EFNA4: variants seen among roughly 807,000 people sequenced by gnomAD.
EFNA4 encodes the protein ephrin-A4.
Under a neutral mutation model 23.7 loss-of-function variants are expected in EFNA4, and 22 were observed. The ratio of observed to expected loss-of-function variants is 0.93; its 90% CI spans 0.66 to 1.32. The LOEUF is 1.32. Ranked by LOEUF, EFNA4 falls within the 40% of genes most tolerant of loss-of-function variation. The pLI, the probability that EFNA4 is intolerant of heterozygous loss-of-function variation, is 0.00. For synonymous variants in EFNA4, 113 were observed against 108.3 expected, an observed-to-expected ratio of 1.04 and a Z score of -0.27; for missense variants, 252 against 252.3, an observed-to-expected ratio of 1.00 and a Z score of 0.01.
intron 1 of EFNA4, 133 bp downstream of exon 1, chr1:155,064,069 C>CGGGGGGG (rs1229674712): frequency 6.1e-5 from 13 of 212,342 alleles, no homozygotes; most frequent in South Asian, 1.9e-4. Context: ...TTTGAGCCGG[C>CGGGGGGG]GGGGGAGGGG....
chr1:155,069,348 T>C lies in EFNA4; in HGVS notation c.*359T>C, dbSNP rs1365820826. The C allele has an allele frequency of 4.4e-6, 3 of 679,374 alleles. No individual in the cohort carries two copies. The allele number at this position is 679,374 out of a possible 1,614,324, so 42.1% of individuals were successfully genotyped here. On this transcript the variant is annotated 3_prime_UTR_variant, in exon 4 of 4. Coordinates refer to ENST00000368409, the MANE Select transcript of EFNA4 (RefSeq NM_005227.3). Reference sequence around the variant, plus strand: ...GAAGACCTGGGGACAGGTCGATTGCTGGACCAGGGCAAAGAAGAAGCCCTG... The same window carrying C: ...GAAGACCTGGGGACAGGTCGATTGCCGGACCAGGGCAAAGAAGAAGCCCTG...
In EFNA4 at chr1:155,069,355, G is replaced by C. The variant is rs1417352065; in HGVS notation, c.*366G>C. 1 of 650,488 alleles carries C rather than the reference G, an allele frequency of 1.5e-6. No homozygotes were observed. The highest frequency in any genetic ancestry group is 2.4e-6 in the Non-Finnish European group (1 of 408,554). 40.3% of individuals were successfully genotyped at this position (650,488 alleles called of 1,614,324 possible). On this transcript the variant is annotated 3_prime_UTR_variant, in exon 4 of 4. Coordinates refer to ENST00000368409, the MANE Select transcript of EFNA4 (RefSeq NM_005227.3). The stretch of plus-strand genomic sequence containing the variant: ...TGGGGACAGGTCGATTGCTGGACCA[G>C]GGCAAAGAAGAAGCCCTGCCATCTG...
At chr1:155,068,737 G>A (rs1397982719) in intron 3 of EFNA4, 116 bp from the exon 4 acceptor site, 7 of 1,107,250 alleles carry the variant, frequency 6.3e-6, no homozygotes, top group Non-Finnish European at 8.8e-6. Flanking sequence ...TGGGAAGGGA[G>A]TGGCTGGTTT....
rs1663064628 is a variant in EFNA4 at position 155,066,937 on chromosome 1, A to G, written c.321A>G (p.Gln107=). ...GCTCCCTGCCCTTTGGCCATGTTCA[A>G]TTCTCAGAGAAGATTCAGCGCTTCA... ...WVCSLPFGHV[Q]FSEKIQRFTP... Residue 107 remains glutamine, a synonymous_variant, in exon 2 of 4, where the codon CAA becomes CAG. Coordinates refer to ENST00000368409, the MANE Select transcript of EFNA4 (RefSeq NM_005227.3). 6.2e-7 allele frequency: 1 copy of G among 1,614,126 alleles called. No homozygotes were observed. Among genetic ancestry groups the G allele is most frequent in the Non-Finnish European group, 8.5e-7 (1 of 1,180,032 alleles).
chr1:155,068,427 ATT>A (rs71077978), intron 3 of EFNA4, among the ~76,000 whole-genome samples: 254 of 25,314 alleles, frequency 0.01, 1 homozygote, highest in African/African-American at 0.044. Context: ...CACCCAGCTG[ATT>A]TTTTTTTTTT....
At position 155,067,339 on chromosome 1, in the gene EFNA4, G is replaced by A. The variant is rs1299765632; in HGVS notation, c.401-33G>A. ...GAGGCATACAAAGGGGTGACTCCCT[G>A]TGCTAACTTTTTCCCACTTTCCCAC... On this transcript the variant is annotated intron_variant, in intron 2 of 3. Coordinates refer to ENST00000368409, the MANE Select transcript of EFNA4 (RefSeq NM_005227.3). 2.5e-6 allele frequency: 4 copies of A among 1,613,230 alleles called. No homozygotes were observed. In the South Asian group the frequency reaches 4.4e-5, roughly 18 times the overall value.
At position 155,063,977 on chromosome 1, in the gene EFNA4, G is replaced by A. The variant is rs988126053; in HGVS notation, c.113+41G>A. 4.1e-6 allele frequency: 6 copies of A among 1,468,870 alleles called. No individual in the cohort carries two copies. In the Admixed American group the frequency reaches 1.3e-4, roughly 31 times the overall value. 91.0% of individuals were successfully genotyped at this position (1,468,870 alleles called of 1,614,324 possible). ...CGGGCGAGCGCACAGCCAAGTCTGC[G>A]CGCTCCCGGGCTTTGCGCGCGCCCG... On this transcript the variant is annotated intron_variant, in intron 1 of 3. Coordinates refer to ENST00000368409, the MANE Select transcript of EFNA4 (RefSeq NM_005227.3). The surrounding 1 kb of genome is among the most constrained non-coding windows in gnomAD (Gnocchi z 4.1).
Position 155,069,025 on chromosome 1 carries a change from G to C in EFNA4, c.*36G>C. On this transcript the variant is annotated 3_prime_UTR_variant, in exon 4 of 4. Coordinates refer to ENST00000368409, the MANE Select transcript of EFNA4 (RefSeq NM_005227.3). ...CCTTCCCTCTCATCCCAAGGAGCCA[G>C]AGTCCTCCCAAGATCCCCTGGAGGA... The C allele has an allele frequency of 6.2e-7, 1 of 1,612,906 alleles. No homozygotes were observed. The highest frequency in any genetic ancestry group is 8.5e-7 in the Non-Finnish European group (1 of 1,179,314).
chr1:155,067,229 C>T (rs1265744381), intron 2 of EFNA4, 143 bp from the exon 3 acceptor site: 2 of 1,071,504 alleles, frequency 1.9e-6, no homozygotes, highest in East Asian at 5.0e-5. Context: ...TGGATGGGGC[C>T]TGATACATGG....
intron 1 of EFNA4, among the ~76,000 whole-genome samples, chr1:155,064,573 A>G (rs1288175533): frequency 6.6e-6 from 1 of 152,198 alleles, no homozygotes; most frequent in East Asian, 1.9e-4. Context: ...AAGTGAGGTC[A>G]TGTATGTGAA....
intron 1 of EFNA4, 97 bp downstream of exon 1, chr1:155,064,033 C>G (rs1662906047): frequency 1.2e-5 from 13 of 1,064,268 alleles, no homozygotes; most frequent in Non-Finnish European, 1.7e-5. Context: ...GCCGCCTGAG[C>G]CTGGCCGCGC....
At chr1:155,068,382 C>T (rs1240973554) in intron 3 of EFNA4, among the ~76,000 whole-genome samples, 1 of 138,838 alleles carries the variant, frequency 7.2e-6, no homozygotes, top group Non-Finnish European at 1.5e-5. Flanking sequence ...TCTCCTGCCT[C>T]AGTATTCCGA....
At chr1:155,066,638 G>C (rs1202468527) in intron 1 of EFNA4, 92 bp from the exon 2 acceptor site, 2 of 1,449,686 alleles carry the variant, frequency 1.4e-6, no homozygotes, top group Non-Finnish European at 1.8e-6. Context: ...AGGAGAGGCT[G>C]GCAGGGGCCT....
intron 3 of EFNA4, 133 bp downstream of exon 3, chr1:155,067,573 AT>A: frequency 1.0e-6 from 1 of 987,206 alleles, no homozygotes; most frequent in Non-Finnish European, 1.5e-6. Context: ...TCTTCTCCCC[AT>A]TTAGCCTTGA....
chr1:155,067,026 C>A lies in EFNA4; in HGVS notation c.400+10C>A, dbSNP rs1663068246. On this transcript the variant is annotated intron_variant, in intron 2 of 3. Transcript: ENST00000368409. Reference sequence around the variant, plus strand: ...ACTTACTACTACATCTGTGAGTGGCCAAGGGCACACTGGACACCTCTTGTG... The same window carrying A: ...ACTTACTACTACATCTGTGAGTGGCAAAGGGCACACTGGACACCTCTTGTG... 6 of 1,594,398 alleles carry A rather than the reference C, an allele frequency of 3.8e-6. No individual in the cohort carries two copies. Among genetic ancestry groups the A allele is most frequent in the Non-Finnish European group, 4.3e-6 (5 of 1,169,070 alleles).
intron 1 of EFNA4, among the ~76,000 whole-genome samples, chr1:155,064,822 G>C (rs945923674): frequency 6.6e-6 from 1 of 152,144 alleles, no homozygotes; most frequent in African/African-American, 2.4e-5. Flanking sequence ...CCTGTGCTAG[G>C]TTGCAGGGGA....
chr1:155,063,794 C>T lies in EFNA4; in HGVS notation c.-30C>T, dbSNP rs1248187187. 4.7e-6 allele frequency: 7 copies of T among 1,501,580 alleles called. No homozygotes were observed. The highest frequency in any genetic ancestry group is 1.4e-5 in the African/African-American group (1 of 68,992). The allele number at this position is 1,501,580 out of a possible 1,614,324, so 93.0% of individuals were successfully genotyped here. ...GACTGTGAAGCGGGCCGGGACCTGC[C>T]AGGCCAGACCAAACCGGACCTCGGG... is the stretch of plus-strand genomic sequence containing the variant. On this transcript the variant is annotated 5_prime_UTR_variant, in exon 1 of 4. Coordinates refer to ENST00000368409, the MANE Select transcript of EFNA4 (RefSeq NM_005227.3). This position sits in a 1 kb window ranked among gnomAD's most constrained non-coding sequence, Gnocchi z 4.1.
Position 155,069,129 on chromosome 1 carries a change from T to C in EFNA4, c.*140T>C. ...AGCATTGATGGGGGAGATCAGAGGG[T>C]CTGAGGTGACTCTTGCAGGAGCCTG... is the stretch of plus-strand genomic sequence containing the variant. On this transcript the variant is annotated 3_prime_UTR_variant, in exon 4 of 4. Transcript: ENST00000368409. 1 of 1,611,412 alleles carries C rather than the reference T, an allele frequency of 6.2e-7. No homozygotes were observed. The highest frequency in any genetic ancestry group is 8.5e-7 in the Non-Finnish European group (1 of 1,179,138).
rs539021344 is a variant in EFNA4 at position 155,067,148 on chromosome 1, C to A, written c.400+132C>A. The A allele has an allele frequency of 4.1e-6, 5 of 1,220,768 alleles. No individual in the cohort carries two copies. The South Asian group carries it at 7.4e-5, about 18-fold the overall frequency. The allele number at this position is 1,220,768 out of a possible 1,614,324, so 75.6% of individuals were successfully genotyped here. On this transcript the variant is annotated intron_variant, in intron 2 of 3. Transcript: ENST00000368409. Reference sequence around the variant, plus strand: ...GTTGAGGTATGGGCTGAACTCAGGACTGAGGAGGGAAATGTCTAGAAAGGA... The same window carrying A: ...GTTGAGGTATGGGCTGAACTCAGGAATGAGGAGGGAAATGTCTAGAAAGGA...
Sources: gnomAD v4.1 joint callset for allele counts (sites outside exome capture counted in the v4.1 genomes callset) on GRCh38, gnomAD v4.1.1 for gene constraint, Gnocchi (gnomAD v3.1) non-coding constraint, MANE v1.5 for transcripts, NCBI Gene and HGNC (gene_info 2026-07-23, HGNC 2026-07-21) for gene names.